Variants in PXDNL observed in about 807,000 individuals in gnomAD.
PXDNL encodes peroxidasin like.
In PXDNL, 145 loss-of-function variants were observed where a neutral mutation model predicts 150.8. The ratio of observed to expected loss-of-function variants is 0.96; its 90% CI spans 0.84 to 1.10. The LOEUF is 1.10. PXDNL is among the 50% of genes least tolerant of loss of function. PXDNL has a pLI of 0.00. For synonymous variants in PXDNL, 757 were observed against 725.7 expected, an observed-to-expected ratio of 1.04 and a Z score of -0.69; for missense variants, 2,087 against 1,873.9, an observed-to-expected ratio of 1.11 and a Z score of -2.10.
intron 2 of PXDNL, among the ~76,000 whole-genome samples, chr8:51,608,035 A>AAG (rs1167489470): frequency 1.5e-4 from 17 of 111,774 alleles, no homozygotes; most frequent in Non-Finnish European, 3.0e-4. Context: ...GAAAGAAAGA[A>AAG]AGAAAGAAAG....
At chr8:51,650,656 TTGG>T (rs2030075492) in intron 2 of PXDNL, among the ~76,000 whole-genome samples, 1 of 152,228 alleles carries the variant, frequency 6.6e-6, no homozygotes, top group Non-Finnish European at 1.5e-5. Context: ...TGGTCTCATG[TTGG>T]TGAAGTTCAG....
At chr8:51,702,198 G>A (rs1362247965) in intron 1 of PXDNL, among the ~76,000 whole-genome samples, 1 of 151,980 alleles carries the variant, frequency 6.6e-6, no homozygotes, top group Non-Finnish European at 1.5e-5. Context: ...TTATCCATTT[G>A]TCTTCTATAG....
intron 17 of PXDNL, among the ~76,000 whole-genome samples, chr8:51,381,229 A>G (rs1050948109): frequency 6.6e-5 from 10 of 152,184 alleles, no homozygotes; most frequent in South Asian, 2.1e-4. Context: ...TATAAACGGA[A>G]CACTAGGTTT....
intron 4 of PXDNL, among the ~76,000 whole-genome samples, chr8:51,518,895 C>A (rs912982271): frequency 1.8e-4 from 27 of 151,700 alleles, no homozygotes; most frequent in African/African-American, 5.1e-4. Flanking sequence ...TGAAGAGAGG[C>A]ACAAGTGAAG....
chr8:51,527,327 G>T (rs1477220305), intron 4 of PXDNL, among the ~76,000 whole-genome samples: 1 of 152,048 alleles, frequency 6.6e-6, no homozygotes, highest in Non-Finnish European at 1.5e-5. Flanking sequence ...TAGCACGTTT[G>T]CTCCCTGCCA....
rs79170454 is a variant in PXDNL at position 51,415,737 on chromosome 8, A to G, written c.1796-2479T>C. ...TGCTTAAGGTAAAAATTCGAAAACTAGAAAGAGATAACCATAAAATGATCG... is the reference window on the plus strand; with the variant it reads ...TGCTTAAGGTAAAAATTCGAAAACTGGAAAGAGATAACCATAAAATGATCG... On this transcript the variant is annotated intron_variant, in intron 14 of 22. Transcript: ENST00000356297. Among the ~76,000 whole-genome samples the G allele has an allele frequency of 3.3e-3, 497 of 152,280 alleles. 3 individuals are homozygous for G. The highest frequency in any genetic ancestry group is 0.011 in the African/African-American group (477 of 41,508).
At chr8:51,372,626 C>T (rs920993960) in intron 18 of PXDNL, among the ~76,000 whole-genome samples, 1 of 152,230 alleles carries the variant, frequency 6.6e-6, no homozygotes, top group African/African-American at 2.4e-5. Context: ...CTCAAGTGAT[C>T]TGCCCACCTC....
At chr8:51,441,113 G>A (rs1251552635) in intron 12 of PXDNL, among the ~76,000 whole-genome samples, 2 of 152,134 alleles carry the variant, frequency 1.3e-5, no homozygotes, top group Non-Finnish European at 2.9e-5. Flanking sequence ...TACTGTTCTA[G>A]TAATATTGAG....
chr8:51,743,941 A>AAGGAAGGAAGGAAGGAAG (rs1554511583), intron 1 of PXDNL, among the ~76,000 whole-genome samples: 2 of 24,186 alleles, frequency 8.3e-5, no homozygotes, highest in African/African-American at 1.5e-4. Flanking sequence ...GGAAGGAAGG[A>AAGGAAGGAAGGAAGGAAG]GAGAAAGAGA....
intron 3 of PXDNL, among the ~76,000 whole-genome samples, chr8:51,571,760 T>C (rs2130594531): frequency 2.6e-5 from 4 of 152,018 alleles, no homozygotes; most frequent in Admixed American, 2.6e-4. Context: ...ATTAAGCTTA[T>C]TTGTGTAGTT....
chr8:51,400,892 C>G (rs1411228970), intron 17 of PXDNL, among the ~76,000 whole-genome samples: 1 of 152,002 alleles, frequency 6.6e-6, no homozygotes, highest in East Asian at 1.9e-4. Flanking sequence ...TAGTTTTCAC[C>G]TAAGAAAATT....
intron 2 of PXDNL, among the ~76,000 whole-genome samples, chr8:51,607,831 C>T (rs1215741242): frequency 9.2e-6 from 1 of 108,444 alleles, no homozygotes; most frequent in African/African-American, 4.2e-5. Context: ...CAGAGTGAGA[C>T]TCCATCTCAA....
At chr8:51,676,492 G>A (rs928025805) in intron 1 of PXDNL, among the ~76,000 whole-genome samples, 9 of 151,622 alleles carry the variant, frequency 5.9e-5, no homozygotes, top group African/African-American at 2.2e-4. Context: ...GGCCAGGCTG[G>A]TCTCGAACTC....
chr8:51,369,529 C>T (rs1007037672), intron 19 of PXDNL, among the ~76,000 whole-genome samples: 2 of 152,064 alleles, frequency 1.3e-5, no homozygotes, highest in African/African-American at 4.8e-5. Context: ...GAAAAATACA[C>T]ATGTATCCAT....
At chr8:51,494,808 T>C (rs1811005375) in intron 5 of PXDNL, among the ~76,000 whole-genome samples, 2 of 151,766 alleles carry the variant, frequency 1.3e-5, no homozygotes. Flanking sequence ...CAAAGAGACT[T>C]AGAATCCCAC....
chr8:51,420,401 T>C (rs1317843093), intron 14 of PXDNL, among the ~76,000 whole-genome samples: 1 of 152,342 alleles, frequency 6.6e-6, no homozygotes. Flanking sequence ...TTGTCTTGGA[T>C]CTTAAATTTA....
At chr8:51,520,739 C>T (rs1811645026) in intron 4 of PXDNL, among the ~76,000 whole-genome samples, 1 of 152,096 alleles carries the variant, frequency 6.6e-6, no homozygotes, top group Non-Finnish European at 1.5e-5. Context: ...AATGCAAATC[C>T]TCACACTGAA....
intron 21 of PXDNL, among the ~76,000 whole-genome samples, chr8:51,330,662 G>T (rs1805652446): frequency 6.6e-6 from 1 of 152,114 alleles, no homozygotes; most frequent in Non-Finnish European, 1.5e-5. Flanking sequence ...AGGTACTGGG[G>T]ATTAGAACTC....
At chr8:51,404,330 G>A (rs1165423116) in intron 17 of PXDNL, among the ~76,000 whole-genome samples, 1 of 152,200 alleles carries the variant, frequency 6.6e-6, no homozygotes, top group African/African-American at 2.4e-5. Context: ...ATTTTACAGA[G>A]AGCTGATTGG....
Sources: gnomAD v4.1 joint callset for allele counts (sites outside exome capture counted in the v4.1 genomes callset) on GRCh38, gnomAD v4.1.1 for gene constraint, MANE v1.5 for transcripts, NCBI Gene and HGNC (gene_info 2026-07-23, HGNC 2026-07-21) for gene names.